The following FBXO24 variants were observed in gnomAD, a reference collection of about 807,000 sequenced individuals.
FBXO24 encodes F-box only protein 24.
A neutral mutation model predicts 63.5 loss-of-function variants in FBXO24; 30 were observed. The observed-to-expected ratio is 0.47, with a 90% confidence interval of 0.35 to 0.64. The LOEUF is 0.64. Ranked by LOEUF, FBXO24 falls within the 30% of genes least tolerant of loss-of-function variation. FBXO24 has a pLI of 0.00. For missense variants in FBXO24, 624 were observed against 763.4 expected (o/e 0.82, Z 2.15); for synonymous variants, 300 against 305.0 (o/e 0.98, Z 0.17).
In FBXO24 at chr7:100,590,358, G is replaced by T; in HGVS notation, c.322+1G>T. ...TGGAAGAGAGCTGCCATTCTGAACT[G>T]TACACCTTCCCCAGAACCTCCCGTT... is the stretch of plus-strand genomic sequence containing the variant. On this transcript the variant is annotated splice_donor_variant, in intron 3 of 9. Coordinates refer to ENST00000241071, the MANE Select transcript of FBXO24 (RefSeq NM_033506.3). LOFTEE classifies it high-confidence loss of function. The T allele has an allele frequency of 6.2e-7, 1 of 1,604,276 alleles. No individual in the cohort carries two copies. Among genetic ancestry groups the T allele is most frequent in the Non-Finnish European group, 8.5e-7 (1 of 1,173,290 alleles).
intron 3 of FBXO24, among the ~76,000 whole-genome samples, chr7:100,591,411 G>A (rs1802020532): frequency 6.6e-6 from 1 of 152,152 alleles, no homozygotes; most frequent in African/African-American, 2.4e-5. Context: ...ACTGATGCAA[G>A]GTTGCACCAA....
In FBXO24 at chr7:100,586,576, G is replaced by T. The variant is rs754817570; in HGVS notation, c.-50G>T. ...AGAAGGCCAATTAGAGCCTCCGAAG[G>T]GAATCTGGACCTGCCTCTTCTCTGA... On this transcript the variant is annotated 5_prime_UTR_variant, in exon 1 of 10. Transcript: ENST00000241071. 1 of 1,603,922 alleles carries T rather than the reference G, an allele frequency of 6.2e-7. No individual in the cohort carries two copies. The highest frequency in any genetic ancestry group is 2.2e-5 in the East Asian group (1 of 44,856).
At position 100,586,674 on chromosome 7, in the gene FBXO24, A is replaced by T. The variant is rs748925547; in HGVS notation, c.39+10A>T. The T allele has an allele frequency of 6.2e-7, 1 of 1,614,156 alleles. No homozygotes were observed. Among genetic ancestry groups the T allele is most frequent in the South Asian group, 1.1e-5 (1 of 91,084 alleles). On this transcript the variant is annotated intron_variant, in intron 1 of 9. Transcript: ENST00000241071. ...GCTAAGGAGGAGGCGGGTGAGCTAG[A>T]ACTTTAAGACTGAGGTTAAGAATGA...
chr7:100,590,508 C>T (rs968062907), intron 3 of FBXO24, 151 bp downstream of exon 3: 1 of 788,432 alleles, frequency 1.3e-6, no homozygotes. Flanking sequence ...AACATTCTCC[C>T]TTGAGTACTT....
At chr7:100,586,891 GTCTCGGGACCCCCGGGCT>G in intron 1 of FBXO24, 1 of 447,718 alleles carries the variant, frequency 2.2e-6, no homozygotes, top group East Asian at 4.5e-5. Flanking sequence ...TCTGGCAGGG[GTCTCGGGACCCCCGGGCT>G]GGGGGCGGGC....
At chr7:100,596,905 G>A (rs1802334420) in intron 8 of FBXO24, among the ~76,000 whole-genome samples, 1 of 152,084 alleles carries the variant, frequency 6.6e-6, no homozygotes, top group South Asian at 2.1e-4. Flanking sequence ...AGCCAGGTGT[G>A]GTGGTGGGTG....
intron 2 of FBXO24, 44 bp from the exon 3 acceptor site, chr7:100,590,130 A>C: frequency 1.2e-6 from 2 of 1,607,668 alleles, no homozygotes; most frequent in Non-Finnish European, 1.7e-6. Flanking sequence ...CAGATCACCG[A>C]GGGGCCACCA....
Position 100,591,816 on chromosome 7 carries a change from C to T in FBXO24, c.472C>T (p.Leu158Phe). 1 of 1,614,256 alleles carries T rather than the reference C, an allele frequency of 6.2e-7. No individual in the cohort carries two copies. ...ILDYVGTLFF[L>F]KNALVSTLGQ... ...TGACTACGTGGGGACCCTCTTCTTC[C>T]TCAAAAATGCCCTGGTCTCCACCCT... Residue 158 changes from leucine to phenylalanine, a missense_variant, in exon 4 of 10, where the codon CTC becomes TTC. By Grantham distance (22) the Leu-to-Phe change is conservative. Around this residue, in one of 3 missense-constraint regions of FBXO24, gnomAD observed 391 missense variants for 469.1 expected, o/e 0.83. Transcript: ENST00000241071.
chr7:100,588,970 G>A lies in FBXO24; in HGVS notation c.40-1007G>A, dbSNP rs930101280. 7.2e-5 allele frequency among the ~76,000 whole-genome samples: 11 copies of A among 151,762 alleles called. No individual in the cohort carries two copies. The East Asian group carries it at 1.9e-3, about 27-fold the overall frequency. On this transcript the variant is annotated intron_variant, in intron 1 of 9. Transcript: ENST00000241071. ...CCTGTGTAGCTGGGACTACAGGGGTGCATCACCACGCCTGGGTAATTTTTA... is the reference window on the plus strand; with the variant it reads ...CCTGTGTAGCTGGGACTACAGGGGTACATCACCACGCCTGGGTAATTTTTA...
chr7:100,586,593 C>T lies in FBXO24; in HGVS notation c.-33C>T, dbSNP rs1288414508. 2 of 1,613,754 alleles carry T rather than the reference C, an allele frequency of 1.2e-6. No homozygotes were observed. The highest frequency in any genetic ancestry group is 2.7e-5 in the African/African-American group (2 of 74,938). The stretch of plus-strand genomic sequence containing the variant: ...CTCCGAAGGGAATCTGGACCTGCCT[C>T]TTCTCTGAGGGACGGCTCTACCTAC... On this transcript the variant is annotated 5_prime_UTR_variant, in exon 1 of 10. Transcript: ENST00000241071.
chr7:100,590,874 C>T (rs968488267), intron 3 of FBXO24, among the ~76,000 whole-genome samples: 1 of 152,076 alleles, frequency 6.6e-6, no homozygotes, highest in African/African-American at 2.4e-5. Flanking sequence ...TCCAGGGATC[C>T]CCCAGGGTGT....
At chr7:100,590,625 T>A (rs1801970038) in intron 3 of FBXO24, among the ~76,000 whole-genome samples, 1 of 152,150 alleles carries the variant, frequency 6.6e-6, no homozygotes, top group South Asian at 2.1e-4. Flanking sequence ...CATCCCTCAC[T>A]CCCCAAACCT....
Position 100,592,904 on chromosome 7 carries a change from A to G in FBXO24, c.680A>G (p.Tyr227Cys), listed in dbSNP as rs1471455655. The change falls in exon 5 of 10, where the codon TAT becomes TGT. Residue 227 changes from tyrosine (Y) to cysteine (C), a missense_variant. Tyr to Cys is a radical substitution (Grantham distance 194). Around this residue, in one of 3 missense-constraint regions of FBXO24, gnomAD observed 391 missense variants for 469.1 expected, o/e 0.83. Coordinates refer to ENST00000241071, the MANE Select transcript of FBXO24 (RefSeq NM_033506.3). ...SSRACDCVEVYLQSSGQRVFK... is the reference protein window; with the variant it reads ...SSRACDCVEVCLQSSGQRVFK... ...CGGGCCTGTGACTGTGTTGAGGTCT[A>G]TCTGCAGTCTAGTGGGCAGCGGGTC... is the stretch of plus-strand genomic sequence containing the variant. 1.9e-6 allele frequency: 3 copies of G among 1,614,192 alleles called. No homozygotes were observed. Among genetic ancestry groups the G allele is most frequent in the Non-Finnish European group, 2.5e-6 (3 of 1,180,044 alleles).
rs1301526332 is a variant in FBXO24, at chr7:100,600,820, T to C, written c.1664T>C (p.Phe555Ser). 5.0e-6 allele frequency: 8 copies of C among 1,613,712 alleles called. No homozygotes were observed. The highest frequency in any genetic ancestry group is 6.8e-6 in the Non-Finnish European group (8 of 1,179,812). Residue 555 changes from phenylalanine (F) to serine (S), a missense_variant, in exon 10 of 10, where the codon TTC becomes TCC. Coordinates refer to ENST00000241071, the MANE Select transcript of FBXO24 (RefSeq NM_033506.3). This position sits in a 1 kb window ranked among gnomAD's most constrained non-coding sequence, Gnocchi z 6.3. ...WMPLMAAQKDFFWEALDMLQR... is the reference protein window; with the variant it reads ...WMPLMAAQKDSFWEALDMLQR... Reference sequence around the variant, plus strand: ...CCCCTGATGGCCGCACAGAAGGACTTCTTCTGGGAGGCCCTGGACATGCTG... The same window carrying C: ...CCCCTGATGGCCGCACAGAAGGACTCCTTCTGGGAGGCCCTGGACATGCTG...
chr7:100,591,929 G>C, intron 4 of FBXO24, 27 bp downstream of exon 4: 1 of 1,608,406 alleles, frequency 6.2e-7, no homozygotes, highest in Non-Finnish European at 8.5e-7. Flanking sequence ...TGGCAGCTGA[G>C]AGCCCACCTG....
Position 100,586,590 on chromosome 7 carries a change from C to A in FBXO24, c.-36C>A. ...AGCCTCCGAAGGGAATCTGGACCTG[C>A]CTCTTCTCTGAGGGACGGCTCTACC... On this transcript the variant is annotated 5_prime_UTR_variant, in exon 1 of 10. Coordinates refer to ENST00000241071, the MANE Select transcript of FBXO24 (RefSeq NM_033506.3). The A allele has an allele frequency of 6.2e-7, 1 of 1,613,240 alleles. No individual in the cohort carries two copies. The highest frequency in any genetic ancestry group is 1.3e-5 in the African/African-American group (1 of 75,048).
At chr7:100,593,188 A>G (rs1802116959) in intron 5 of FBXO24, 171 bp downstream of exon 5, 1 of 585,600 alleles carries the variant, frequency 1.7e-6, no homozygotes, top group East Asian at 2.9e-5. Context: ...ATTCTGCTTA[A>G]TATTTTATAT....
intron 1 of FBXO24, chr7:100,589,405 A>C: frequency 1.2e-5 from 15 of 1,203,452 alleles, no homozygotes; most frequent in Non-Finnish European, 1.5e-5. Context: ...GTCACCTACC[A>C]GTAATTCACA....
Position 100,594,511 on chromosome 7 carries a change from T to G in FBXO24, c.922T>G (p.Ser308Ala). The change falls in exon 6 of 10, where the codon TCC becomes GCC. Residue 308 changes from serine (S) to alanine (A), a missense_variant. Physicochemically the swap from Ser to Ala is moderately conservative, Grantham distance 99. Transcript: ENST00000241071. This position sits in a 1 kb window ranked among gnomAD's most constrained non-coding sequence, Gnocchi z 4.2. ...LPHLRVACMT[S>A]NQSSTLYVTD... is the part of the protein sequence containing the mutation. ...TCACCTGCGCGTGGCCTGCATGACT[T>G]CCAACCAGAGCAGCACCCTCTACGT... The G allele has an allele frequency of 6.2e-7, 1 of 1,611,538 alleles. No individual in the cohort carries two copies. The highest frequency in any genetic ancestry group is 8.5e-7 in the Non-Finnish European group (1 of 1,178,824).
Sources: allele counts gnomAD v4.1 joint callset (sites outside exome capture counted in the v4.1 genomes callset), GRCh38; gene constraint gnomAD v4.1.1; regional missense constraint gnomAD v4.1.1; non-coding constraint Gnocchi (gnomAD v3.1); transcripts MANE v1.5; gene names NCBI Gene and HGNC (gene_info 2026-07-23, HGNC 2026-07-21).